The following NPC1 variants were observed in gnomAD, a reference collection of about 807,000 sequenced individuals.
The protein encoded by NPC1 is NPC intracellular cholesterol transporter 1.
In NPC1, 85 loss-of-function variants were observed where a neutral mutation model predicts 140.4. The observed-to-expected ratio is 0.61, with a 90% CI of 0.51 to 0.72. The LOEUF (loss-of-function observed/expected upper bound fraction) is 0.72. NPC1 is among the 30% of genes least tolerant of loss of function. NPC1 has a pLI of 0.00. For missense variants in NPC1, 1,504 were observed against 1,623.8 expected (o/e 0.93, Z 1.27); for synonymous variants, 656 against 624.8 (o/e 1.05, Z -0.74).
chr18:23,519,013 G>A (rs2058078685), downstream of NPC1: 2 of 1,613,232 alleles, frequency 1.2e-6, no homozygotes, highest in East Asian at 4.5e-5. Context: ...CTCTCTCTCT[G>A]ATTTTAAAAT....
At chr18:23,527,405 A>T (rs147154390), downstream of NPC1, among the ~76,000 whole-genome samples, 663 of 151,760 alleles carry the variant, frequency 4.4e-3, 3 homozygotes, top group African/African-American at 0.013. Flanking sequence ...ATCCAAAAAA[A>T]AATAATAATA....
Position 23,539,791 on chromosome 18 carries a change from C to T in NPC1, c.2795+20G>A. 6 of 1,613,174 alleles carry T rather than the reference C, an allele frequency of 3.7e-6. No individual in the cohort carries two copies. The highest frequency in any genetic ancestry group is 1.1e-5 in the South Asian group (1 of 91,050). On this transcript the variant is annotated intron_variant, in intron 18 of 24. Coordinates refer to ENST00000269228, the MANE Select transcript of NPC1 (RefSeq NM_000271.5). Reference sequence around the variant, plus strand: ...AGCCTCCTCCGCTGCTTCTGAAGTACAAGACAAGGTGGTACTGACTAGTTG... The same window carrying T: ...AGCCTCCTCCGCTGCTTCTGAAGTATAAGACAAGGTGGTACTGACTAGTTG...
At chr18:23,555,189 C>T (rs1456235839) in intron 8 of NPC1, among the ~76,000 whole-genome samples, 1 of 152,206 alleles carries the variant, frequency 6.6e-6, no homozygotes, top group Non-Finnish European at 1.5e-5. Flanking sequence ...TAGTTAGAGG[C>T]GTCCACAGAG....
At chr18:23,549,807 T>C (rs1480668074) in intron 10 of NPC1, among the ~76,000 whole-genome samples, 2 of 150,858 alleles carry the variant, frequency 1.3e-5, no homozygotes, top group African/African-American at 4.9e-5. Flanking sequence ...AATGGAATGA[T>C]CTTGGCTCAC....
At chr18:23,569,287 T>C (rs1437773572) in intron 3 of NPC1, among the ~76,000 whole-genome samples, 1 of 152,228 alleles carries the variant, frequency 6.6e-6, no homozygotes, top group Non-Finnish European at 1.5e-5. Flanking sequence ...ATACATTCTC[T>C]GACCTAGAGT....
chr18:23,577,484 G>A (rs970072667), intron 1 of NPC1, among the ~76,000 whole-genome samples: 1 of 151,986 alleles, frequency 6.6e-6, no homozygotes, highest in Non-Finnish European at 1.5e-5. Context: ...AACACAGGGT[G>A]CTGATTGGTG....
At chr18:23,576,599 G>A (rs2059283337) in intron 1 of NPC1, 1 of 502,388 alleles carries the variant, frequency 2.0e-6, no homozygotes, top group Non-Finnish European at 2.6e-6. Context: ...CCCTGGCGGT[G>A]AGCGTTACAG....
chr18:23,571,245 A>C (rs566145139), intron 3 of NPC1, among the ~76,000 whole-genome samples: 3 of 149,474 alleles, frequency 2.0e-5, no homozygotes, highest in Admixed American at 6.6e-5. Context: ...AAAAAAAAAA[A>C]AACTGGCTGG....
chr18:23,574,266 G>T (rs1294327342), intron 1 of NPC1, among the ~76,000 whole-genome samples: 2 of 152,186 alleles, frequency 1.3e-5, no homozygotes, highest in South Asian at 2.1e-4. Context: ...CATCAGGTCA[G>T]TGCCTTGCTC....
chr18:23,545,207 A>C, intron 11 of NPC1, 58 bp from the exon 12 acceptor site: 1 of 1,261,196 alleles, frequency 7.9e-7, no homozygotes, highest in Non-Finnish European at 1.2e-6. Flanking sequence ...CTAAGTAAGA[A>C]ACTTCTCCCT....
At chr18:23,564,877 ATTT>A (rs1373738818) in intron 4 of NPC1, among the ~76,000 whole-genome samples, 2 of 151,680 alleles carry the variant, frequency 1.3e-5, no homozygotes, top group Admixed American at 6.6e-5. Flanking sequence ...TTTCATTATT[ATTT>A]ATTTATTTTT....
At chr18:23,577,164 CAG>C (rs1296154501) in intron 1 of NPC1, among the ~76,000 whole-genome samples, 6 of 128,218 alleles carry the variant, frequency 4.7e-5, no homozygotes, top group Admixed American at 1.7e-4. Flanking sequence ...CAGCTAGATA[CAG>C]AGTGTCGACT....
chr18:23,532,181 T>G lies in NPC1; in HGVS notation c.*21A>C. The G allele has an allele frequency of 6.2e-7, 1 of 1,614,058 alleles. No homozygotes were observed. The highest frequency in any genetic ancestry group is 8.5e-7 in the Non-Finnish European group (1 of 1,180,024). On this transcript the variant is annotated 3_prime_UTR_variant, in exon 25 of 25. Transcript: ENST00000269228. ...CGACCGACCCTTAGACACAGTTCAG[T>G]CAGGATGCCCTGCGAGAGGGCTAGA...
At chr18:23,579,844 C>T (rs749148923) in intron 1 of NPC1, among the ~76,000 whole-genome samples, 2 of 151,008 alleles carry the variant, frequency 1.3e-5, no homozygotes, top group African/African-American at 2.4e-5. Context: ...GAGATCGCAC[C>T]GCTGCACTCC....
In NPC1 at chr18:23,546,106, A is replaced by C. The variant is rs571405974; in HGVS notation, c.1758-957T>G. Among the ~76,000 whole-genome samples the C allele has an allele frequency of 1.9e-3, 291 of 151,944 alleles. 3 individuals carry two copies. The highest frequency in any genetic ancestry group is 6.3e-4 in the Non-Finnish European group (43 of 67,918). On this transcript the variant is annotated intron_variant, in intron 11 of 24. Transcript: ENST00000269228. ...TCTACTAAAAATACAAAAATTAGCC[A>C]GGCGTGGTGGAAGGTGCCTGTAATC...
downstream of NPC1, among the ~76,000 whole-genome samples, chr18:23,524,945 T>TC (rs1286496189): frequency 1.4e-5 from 2 of 139,266 alleles, no homozygotes. Flanking sequence ...AGAAATCTTT[T>TC]TTTTTTTTTT....
rs141892620 is a variant in NPC1, at chr18:23,554,963, T to C, written c.1348A>G (p.Ile450Val). 96 of 1,612,702 alleles carry C rather than the reference T, an allele frequency of 6.0e-5. No individual in the cohort carries two copies. Among genetic ancestry groups the C allele is most frequent in the Non-Finnish European group, 6.7e-5 (79 of 1,178,762 alleles). ...TCATAAGAGGCAGTAATGTTTTCGA[T>C]GGCTATTTGTAAGTCAAGAACCTGA... ...LHQVLDLQIA[I>V]ENITASYDNE... The change falls in exon 9 of 25, where the codon ATC becomes GTC. Residue 450 changes from isoleucine to valine, a missense_variant. Physicochemically the swap from Ile to Val is conservative, Grantham distance 29. Coordinates refer to ENST00000269228, the MANE Select transcript of NPC1 (RefSeq NM_000271.5).
intron 1 of NPC1, among the ~76,000 whole-genome samples, chr18:23,573,977 G>C (rs1006234704): frequency 6.6e-6 from 1 of 152,050 alleles, no homozygotes; most frequent in Non-Finnish European, 1.5e-5. Context: ...TATGTATTTA[G>C]GTTAATTAAT....
At chr18:23,551,438 A>G (rs2058871288) in intron 10 of NPC1, 189 bp downstream of exon 10, 2 of 647,270 alleles carry the variant, frequency 3.1e-6, no homozygotes, top group South Asian at 1.7e-5. Flanking sequence ...TGGCTAACCC[A>G]ATCCACTTCT....
Sources: gnomAD v4.1 joint callset for allele counts (sites outside exome capture counted in the v4.1 genomes callset) on GRCh38, gnomAD v4.1.1 for gene constraint, MANE v1.5 for transcripts, NCBI Gene and HGNC (gene_info 2026-07-23, HGNC 2026-07-21) for gene names.